The following MMRN1 variants were observed in gnomAD, a reference collection of about 807,000 sequenced individuals.
MMRN1 encodes multimerin-1.
In MMRN1, 94 loss-of-function variants were observed where a neutral mutation model predicts 100.7. The observed-to-expected ratio is 0.93, with a 90% CI of 0.79 to 1.11. The LOEUF is 1.11. Ranked by LOEUF, MMRN1 falls within the 50% of genes least tolerant of loss-of-function variation. MMRN1 has a pLI of 0.00. For missense variants in MMRN1, 1,606 were observed against 1,439.1 expected, an observed-to-expected ratio of 1.12 and a Z score of -1.88; for synonymous variants, 575 against 505.0, an observed-to-expected ratio of 1.14 and a Z score of -1.86.
intron 1 of MMRN1, among the ~76,000 whole-genome samples, chr4:89,907,760 T>G (rs1226774590): frequency 1.3e-5 from 2 of 151,396 alleles, no homozygotes; most frequent in African/African-American, 4.8e-5. Flanking sequence ...CTTCTCGTTC[T>G]ATTTAATGGT....
chr4:89,934,151 T>A (rs1722529448), intron 5 of MMRN1, among the ~76,000 whole-genome samples: 1 of 152,108 alleles, frequency 6.6e-6, no homozygotes, highest in Admixed American at 6.6e-5. Context: ...TTGTTAAAAA[T>A]TAATGTCATA....
chr4:89,889,581 C>T (rs74664209), intron 1 of MMRN1, among the ~76,000 whole-genome samples: 2 of 152,120 alleles, frequency 1.3e-5, no homozygotes, highest in Non-Finnish European at 2.9e-5. Flanking sequence ...ATTACAAAGT[C>T]CGCCTTCTAG....
chr4:89,884,646 C>G (rs1720895566), intron 1 of MMRN1, among the ~76,000 whole-genome samples: 1 of 151,992 alleles, frequency 6.6e-6, no homozygotes, highest in African/African-American at 2.4e-5. Context: ...CATTCCTTGG[C>G]TATTCACAGG....
At chr4:89,927,065 T>C (rs1409535849) in intron 4 of MMRN1, among the ~76,000 whole-genome samples, 1 of 152,146 alleles carries the variant, frequency 6.6e-6, no homozygotes, top group Non-Finnish European at 1.5e-5. Context: ...GTATGATTCC[T>C]CCAGTTGTTC....
intron 1 of MMRN1, among the ~76,000 whole-genome samples, chr4:89,886,570 G>T (rs1242567021): frequency 6.6e-6 from 1 of 152,050 alleles, no homozygotes; most frequent in Non-Finnish European, 1.5e-5. Context: ...TAATAATTTT[G>T]TTCGAATCTT....
intron 2 of MMRN1, among the ~76,000 whole-genome samples, chr4:89,910,702 G>A (rs1421401883): frequency 6.6e-6 from 1 of 151,360 alleles, no homozygotes; most frequent in Non-Finnish European, 1.5e-5. Flanking sequence ...TATTTCACTA[G>A]ACAGAATGAT....
At chr4:89,914,224 A>G (rs940521156) in intron 3 of MMRN1, among the ~76,000 whole-genome samples, 1 of 151,346 alleles carries the variant, frequency 6.6e-6, no homozygotes, top group Non-Finnish European at 1.5e-5. Context: ...AGCTGTTTGC[A>G]ATTGTACTTT....
In MMRN1 at chr4:89,927,731, T is replaced by C; in HGVS notation, c.956-64T>C. 30 of 1,469,054 alleles carry C rather than the reference T, an allele frequency of 2.0e-5. 1 individual carries two copies. In the South Asian group the frequency reaches 3.6e-4, roughly 17 times the overall value. 91.0% of individuals were successfully genotyped at this position (1,469,054 alleles called of 1,614,324 possible). ...AGGGTTTTAGTTTTTCTCCATTCAG[T>C]ATGATACCAACTATGGGTCAAAATA... On this transcript the variant is annotated intron_variant, in intron 4 of 7. Coordinates refer to ENST00000264790, the MANE Select transcript of MMRN1 (RefSeq NM_007351.3).
In MMRN1 at chr4:89,909,922, A is replaced by G. The variant is rs181839204; in HGVS notation, c.743+527A>G. ...CCATGTCATTTGATTATCATTTTTTAAAAAAGTCTATGCTGTTGTCCTAAA... is the reference window on the plus strand; with the variant it reads ...CCATGTCATTTGATTATCATTTTTTGAAAAAGTCTATGCTGTTGTCCTAAA... On this transcript the variant is annotated intron_variant, in intron 2 of 7. Transcript: ENST00000264790. 4.6e-5 allele frequency among the ~76,000 whole-genome samples: 7 copies of G among 151,498 alleles called. No individual in the cohort carries two copies. In the East Asian group the frequency reaches 7.8e-4, roughly 17 times the overall value.
intron 4 of MMRN1, among the ~76,000 whole-genome samples, chr4:89,924,702 A>C (rs1722192480): frequency 1.3e-5 from 2 of 151,850 alleles, no homozygotes; most frequent in Admixed American, 1.3e-4. Context: ...AAATTAGTCT[A>C]ACGTGGTGGT....
At chr4:89,927,635 A>T (rs967579711) in intron 4 of MMRN1, among the ~76,000 whole-genome samples, 160 bp from the exon 5 acceptor site, 11 of 152,124 alleles carry the variant, frequency 7.2e-5, no homozygotes, top group Non-Finnish European at 1.5e-5. Flanking sequence ...CTCTAGCTAG[A>T]GCTTCTAGTG....
chr4:89,922,452 A>G (rs1315057496), intron 3 of MMRN1, among the ~76,000 whole-genome samples: 1 of 152,108 alleles, frequency 6.6e-6, no homozygotes, highest in Non-Finnish European at 1.5e-5. Context: ...TGTTTTCCCC[A>G]ATGAAAAACT....
chr4:89,897,918 C>A (rs189990098), intron 1 of MMRN1, among the ~76,000 whole-genome samples: 2 of 152,242 alleles, frequency 1.3e-5, no homozygotes, highest in Non-Finnish European at 2.9e-5. Flanking sequence ...ACTTGCTGAA[C>A]AGAACTTTAT....
At chr4:89,951,127 TCTC>T (rs1471262100) in intron 6 of MMRN1, among the ~76,000 whole-genome samples, 1 of 152,140 alleles carries the variant, frequency 6.6e-6, no homozygotes, top group Non-Finnish European at 1.5e-5. Flanking sequence ...AGAAAGATAT[TCTC>T]CTTTTTTGTT....
At chr4:89,882,473 T>C (rs1720841082) in intron 1 of MMRN1, among the ~76,000 whole-genome samples, 1 of 151,800 alleles carries the variant, frequency 6.6e-6, no homozygotes, top group Non-Finnish European at 1.5e-5. Context: ...TTAGAAAACT[T>C]AAATTTTAGT....
chr4:89,936,515 C>T lies in MMRN1; in HGVS notation c.2835C>T (p.Ile945=), dbSNP rs141708782. The stretch of plus-strand genomic sequence containing the variant: ...GTGTGTCAGAACTGAATGCTACCAT[C>T]CCTAAGTGGATAAAACATTCCCTGC... ...STSVSELNAT[I]PKWIKHSLPD... Residue 945 remains isoleucine, a synonymous_variant, in exon 6 of 8, where the codon ATC becomes ATT. Coordinates refer to ENST00000264790, the MANE Select transcript of MMRN1 (RefSeq NM_007351.3). 30 of 1,613,056 alleles carry T rather than the reference C, an allele frequency of 1.9e-5. No homozygotes were observed. Among genetic ancestry groups the T allele is most frequent in the Middle Eastern group, 1.6e-4 (1 of 6,076 alleles).
chr4:89,925,931 C>T (rs1053390645), intron 4 of MMRN1, among the ~76,000 whole-genome samples: 7 of 152,174 alleles, frequency 4.6e-5, no homozygotes, highest in African/African-American at 1.7e-4. Flanking sequence ...CTTAGCATAA[C>T]GATCTCCAGT....
chr4:89,909,458 A>G, intron 2 of MMRN1, 63 bp downstream of exon 2: 2 of 1,563,556 alleles, frequency 1.3e-6, no homozygotes, highest in Non-Finnish European at 1.7e-6. Context: ...AGCCGGGAAT[A>G]TATAATGTTA....
At chr4:89,907,829 G>GTT (rs35010462) in intron 1 of MMRN1, among the ~76,000 whole-genome samples, 103 of 139,344 alleles carry the variant, frequency 7.4e-4, no homozygotes, top group African/African-American at 1.8e-3. Context: ...CTGTTTTTTT[G>GTT]TTTTTTTTTT....
Sources: allele counts gnomAD v4.1 joint callset (sites outside exome capture counted in the v4.1 genomes callset), GRCh38; gene constraint gnomAD v4.1.1; transcripts MANE v1.5; gene names NCBI Gene and HGNC (gene_info 2026-07-23, HGNC 2026-07-21).